Variants in AFF1 observed in about 807,000 individuals in gnomAD.
The protein encoded by AFF1 is ALF transcription elongation factor 1.
Under a neutral mutation model 121.7 loss-of-function variants are expected in AFF1, and 48 were observed. The observed-to-expected ratio is 0.39, with a 90% CI of 0.31 to 0.50. The LOEUF is 0.50. Ranked by LOEUF, AFF1 falls within the 20% of genes least tolerant of loss-of-function variation. The pLI, the probability that AFF1 is intolerant of heterozygous loss-of-function variation, is 0.76. For synonymous variants in AFF1, 613 were observed against 563.0 expected (o/e 1.09, Z -1.26); for missense variants, 1,523 against 1,511.7 (o/e 1.01, Z -0.12).
intron 4 of AFF1, among the ~76,000 whole-genome samples, chr4:87,075,871 T>C (rs937860659): frequency 6.6e-6 from 1 of 152,162 alleles, no homozygotes; most frequent in African/African-American, 2.4e-5. Context: ...CTAATTACTT[T>C]TTGGTTATCT....
Position 87,130,797 on chromosome 4 carries a change from CTA to C in AFF1, c.2965-284_2965-283del, listed in dbSNP as rs368459636. Among the ~76,000 whole-genome samples, 21 of 152,342 alleles carry C rather than the reference CTA, an allele frequency of 1.4e-4. No individual in the cohort carries two copies. The East Asian group carries it at 3.1e-3, about 22-fold the overall frequency. On this transcript the variant is annotated intron_variant, in intron 16 of 20. Transcript: ENST00000395146. ...TAATTTGACACTAATAACAAGGAGA[CTA>C]TGTACTTACTGCCTTAGTTTGCGTA...
rs754877512 is a variant in AFF1, at chr4:87,114,758, G to A, written c.1925G>A (p.Arg642Gln). The change falls in exon 12 of 21, where the codon CGA becomes CAA. Residue 642 changes from arginine (R) to glutamine (Q), a missense_variant. This residue lies in a region of AFF1 where 905 missense variants were observed against 842.5 expected (regional missense o/e 1.07). Transcript: ENST00000395146. Reference protein sequence around the residue: ...REPGLLPYGSRDQTSKDKPKV... With the variant: ...REPGLLPYGSQDQTSKDKPKV... Reference sequence around the variant, plus strand: ...CCAGGGCTTCTTCCCTATGGCTCCCGAGACCAGACTTCCAAAGACAAGCCC... The same window carrying A: ...CCAGGGCTTCTTCCCTATGGCTCCCAAGACCAGACTTCCAAAGACAAGCCC... The A allele has an allele frequency of 7.4e-6, 12 of 1,613,532 alleles. No individual in the cohort carries two copies. The highest frequency in any genetic ancestry group is 3.3e-4 in the Middle Eastern group (2 of 6,056).
intron 4 of AFF1, among the ~76,000 whole-genome samples, chr4:87,063,754 C>G (rs1720071208): frequency 6.6e-6 from 1 of 152,124 alleles, no homozygotes; most frequent in South Asian, 2.1e-4. Context: ...ATATGTTTGC[C>G]TGACATTTAG....
chr4:87,132,452 T>G, intron 19 of AFF1, 44 bp downstream of exon 19: 1 of 1,552,490 alleles, frequency 6.4e-7, no homozygotes, highest in South Asian at 1.2e-5. Flanking sequence ...ATTGAGTCAT[T>G]TCTTTATTTA....
chr4:87,126,038 C>G (rs1728205821), intron 13 of AFF1, 61 bp from the exon 14 acceptor site: 1 of 1,525,298 alleles, frequency 6.6e-7, no homozygotes, highest in South Asian at 1.1e-5. Context: ...TGTAACTAAA[C>G]AACGAAGCCG....
chr4:87,127,174 C>CA (rs1560657613), intron 15 of AFF1, 57 bp downstream of exon 15: 13 of 1,251,346 alleles, frequency 1.0e-5, no homozygotes, highest in African/African-American at 3.1e-5. Flanking sequence ...CTTCCCCCCC[C>CA]CACCAAGATA....
intron 12 of AFF1, 146 bp from the exon 13 acceptor site, chr4:87,124,891 C>T: frequency 2.1e-6 from 1 of 480,464 alleles, no homozygotes; most frequent in Non-Finnish European, 3.6e-6. Flanking sequence ...CACAGACACA[C>T]ATGGTAAGTA....
At position 87,137,890 on chromosome 4, in the gene AFF1, G is replaced by A. The variant is rs1020049627; in HGVS notation, c.*2189G>A. The stretch of plus-strand genomic sequence containing the variant: ...TGAAGGGTTGTGTTCTTTATGGCAG[G>A]TTCTATGCAGATTGTGCCAGAGCAT... On this transcript the variant is annotated 3_prime_UTR_variant, in exon 21 of 21. Coordinates refer to ENST00000395146, the MANE Select transcript of AFF1 (RefSeq NM_001166693.3). 8.6e-6 allele frequency: 2 copies of A among 231,876 alleles called. No homozygotes were observed. The highest frequency in any genetic ancestry group is 4.4e-5 in the African/African-American group (2 of 45,244). 14.4% of individuals were successfully genotyped at this position (231,876 alleles called of 1,614,324 possible).
At chr4:87,106,979 A>G (rs1324094702) in intron 10 of AFF1, among the ~76,000 whole-genome samples, 4 of 152,196 alleles carry the variant, frequency 2.6e-5, no homozygotes, top group South Asian at 2.1e-4. Flanking sequence ...CTAACTTCTA[A>G]AAGTGGAGGA....
At chr4:86,971,801 G>T (rs2149480466) in intron 2 of AFF1, among the ~76,000 whole-genome samples, 1 of 152,302 alleles carries the variant, frequency 6.6e-6, no homozygotes, top group South Asian at 2.1e-4. Context: ...GTATGGGAAA[G>T]CCTTCCTGAA....
At chr4:87,034,082 T>C (rs1450818959) in intron 2 of AFF1, among the ~76,000 whole-genome samples, 1 of 152,180 alleles carries the variant, frequency 6.6e-6, no homozygotes, top group Non-Finnish European at 1.5e-5. Flanking sequence ...GGTGAAGTGC[T>C]GGAGAGCACC....
intron 2 of AFF1, among the ~76,000 whole-genome samples, chr4:86,952,585 TAACA>T (rs1721428009): frequency 1.3e-5 from 2 of 151,910 alleles, no homozygotes; most frequent in East Asian, 1.9e-4. Context: ...CACATGTATG[TAACA>T]AACCTGCATG....
rs1300237961 is a variant in AFF1 at position 87,053,981 on chromosome 4, C to T, written c.1059+6387C>T. 2.0e-5 allele frequency among the ~76,000 whole-genome samples: 3 copies of T among 152,226 alleles called. 1 individual carries two copies. In the South Asian group the frequency reaches 6.2e-4, roughly 32 times the overall value. On this transcript the variant is annotated intron_variant, in intron 4 of 20. Transcript: ENST00000395146. ...CAAGTGAGGGGTGTTGGGGCTTAAG[C>T]AGTGTCAGTATTCCAGGAAGAAGGA...
At chr4:87,122,878 T>A (rs951373240) in intron 12 of AFF1, among the ~76,000 whole-genome samples, 1 of 46,930 alleles carries the variant, frequency 2.1e-5, no homozygotes. Context: ...AATGGAAAAT[T>A]AGTAAAAAAA....
chr4:87,136,488 GCTGCCATTTCCTACCC>G lies in AFF1; in HGVS notation c.*799_*814del, dbSNP rs1274166868. On this transcript the variant is annotated 3_prime_UTR_variant, in exon 21 of 21. Transcript: ENST00000395146. ...CGAGGTCTGCACAGGAGGACTTGGC[GCTGCCATTTCCTACCC>G]CTGCCATTTCCCACCCCTGCTTCAG... 8.6e-6 allele frequency: 2 copies of G among 232,448 alleles called. No individual in the cohort carries two copies. Among genetic ancestry groups the G allele is most frequent in the Non-Finnish European group, 8.5e-6 (1 of 117,724 alleles). The allele number at this position is 232,448 out of a possible 1,614,324, so 14.4% of individuals were successfully genotyped here. A position where few individuals can be genotyped will look rare whatever the true frequency, so the allele number is the denominator to read the frequency against.
At chr4:87,006,579 T>C (rs1489132241) in intron 2 of AFF1, among the ~76,000 whole-genome samples, 1 of 152,206 alleles carries the variant, frequency 6.6e-6, no homozygotes, top group Non-Finnish European at 1.5e-5. Flanking sequence ...TATGCCCGTT[T>C]CTTGAGCTCA....
rs1428068288 is a variant in AFF1, at chr4:87,114,465, C to G, written c.1632C>G (p.Pro544=). ...APPEGPRSTE[P]PRRHPESKGS... is the part of the protein sequence containing the mutation. ...CAGAGGGCCCCAGGAGCACAGAGCC[C>G]CCACGGCGGCACCCAGAGAGTAAGG... The change falls in exon 12 of 21, where the codon CCC becomes CCG. Residue 544 remains proline (P), a synonymous_variant. Transcript: ENST00000395146. 1 of 1,613,656 alleles carries G rather than the reference C, an allele frequency of 6.2e-7. No individual in the cohort carries two copies.
intron 12 of AFF1, among the ~76,000 whole-genome samples, chr4:87,124,496 G>A (rs1184433820): frequency 6.6e-6 from 1 of 152,010 alleles, no homozygotes; most frequent in Admixed American, 6.6e-5. Flanking sequence ...TAAAATACAC[G>A]GGATTTTGTA....
At chr4:87,000,369 C>T (rs986112082) in intron 2 of AFF1, among the ~76,000 whole-genome samples, 1 of 152,014 alleles carries the variant, frequency 6.6e-6, no homozygotes, top group African/African-American at 2.4e-5. Flanking sequence ...TTTAGGATAC[C>T]TCGGGTTGCA....
Sources: allele counts gnomAD v4.1 joint callset (sites outside exome capture counted in the v4.1 genomes callset), GRCh38; gene constraint gnomAD v4.1.1; regional missense constraint gnomAD v4.1.1; transcripts MANE v1.5; gene names NCBI Gene and HGNC (gene_info 2026-07-23, HGNC 2026-07-21).